Variants in ADCY5 observed in about 807,000 individuals in gnomAD.
ADCY5 encodes adenylate cyclase type 5.
ADCY5 carries 30 observed loss-of-function variants against 119.7 expected under a neutral mutation model. The observed-to-expected ratio is 0.25, with a 90% CI of 0.19 to 0.34. ADCY5 has a LOEUF of 0.34. ADCY5 is among the 10% of genes least tolerant of loss of function. ADCY5 has a pLI of 1.00. For synonymous variants in ADCY5, 753 were observed against 762.2 expected (o/e 0.99, Z 0.20); for missense variants, 1,324 against 1,775.2 (o/e 0.75, Z 4.57).
chr3:123,292,402 G>C (rs997240032), intron 17 of ADCY5, among the ~76,000 whole-genome samples: 32 of 152,122 alleles, frequency 2.1e-4, no homozygotes, highest in African/African-American at 7.7e-4. Flanking sequence ...TAGGCTCAAT[G>C]GCCAGCCCTG....
chr3:123,333,345 C>G (rs961108762), intron 3 of ADCY5, among the ~76,000 whole-genome samples: 2 of 152,246 alleles, frequency 1.3e-5, no homozygotes, highest in Non-Finnish European at 2.9e-5. Context: ...AGCCCCCGTT[C>G]TTTGGTATTC....
At chr3:123,384,655 C>T (rs2107568383) in intron 1 of ADCY5, among the ~76,000 whole-genome samples, 1 of 152,298 alleles carries the variant, frequency 6.6e-6, no homozygotes, top group African/African-American at 2.4e-5. Flanking sequence ...CAGATTATTC[C>T]TGTGTTGCCC....
Position 123,352,664 on chromosome 3 carries a change from G to A in ADCY5, c.1135-83C>T. The A allele has an allele frequency of 3.4e-6, 5 of 1,464,346 alleles. No homozygotes were observed. Among genetic ancestry groups the A allele is most frequent in the East Asian group, 2.4e-5 (1 of 42,122 alleles). The allele number at this position is 1,464,346 out of a possible 1,614,324, so 90.7% of individuals were successfully genotyped here. ...CATGAAGCCCTCAGCCCCTGTCTCA[G>A]CAAACTCACACCTGGCGCTAGCAAA... On this transcript the variant is annotated intron_variant, in intron 1 of 20. Transcript: ENST00000462833. This position sits in a 1 kb window ranked among gnomAD's most constrained non-coding sequence, Gnocchi z 4.8.
intron 11 of ADCY5, among the ~76,000 whole-genome samples, chr3:123,317,811 C>T (rs567520421): frequency 3.3e-5 from 5 of 152,106 alleles, no homozygotes; most frequent in African/African-American, 9.6e-5. Context: ...GAGAGTTGCC[C>T]ACCCTGGAAT....
At chr3:123,284,768 C>T (rs1202345872) in intron 20 of ADCY5, 32 bp from the exon 21 acceptor site, 1 of 1,613,646 alleles carries the variant, frequency 6.2e-7, no homozygotes, top group Non-Finnish European at 8.5e-7. Context: ...GAGGGCAAGC[C>T]ACTGATGGCC....
chr3:123,392,897 C>T (rs1337524457), intron 1 of ADCY5, among the ~76,000 whole-genome samples: 2 of 151,984 alleles, frequency 1.3e-5, no homozygotes, highest in African/African-American at 4.8e-5. Context: ...AGGAGGCCAC[C>T]ACTTTCTTAA....
At chr3:123,355,354 G>C (rs948295990) in intron 1 of ADCY5, among the ~76,000 whole-genome samples, 1 of 152,146 alleles carries the variant, frequency 6.6e-6, no homozygotes, top group African/African-American at 2.4e-5. Context: ...TTGGCTCTCT[G>C]TATCTACAGG....
rs981549535 is a variant in ADCY5, at chr3:123,448,645, G to A, written c.-100C>T. ...GGCCGAGCAGGGGGACCAGGCTAGG[G>A]TCACACGTCGGGGGCGGCCCGGGGC... is the stretch of plus-strand genomic sequence containing the variant. On this transcript the variant is annotated 5_prime_UTR_variant, in exon 1 of 21. Coordinates refer to ENST00000462833, the MANE Select transcript of ADCY5 (RefSeq NM_183357.3). 40 of 1,139,434 alleles carry A rather than the reference G, an allele frequency of 3.5e-5. No homozygotes were observed. In the African/African-American group the frequency reaches 5.9e-4, roughly 17 times the overall value. 70.6% of individuals were successfully genotyped at this position (1,139,434 alleles called of 1,614,324 possible).
chr3:123,314,395 G>A, intron 11 of ADCY5, 73 bp from the exon 12 acceptor site: 1 of 1,225,660 alleles, frequency 8.2e-7, no homozygotes. Context: ...GGACCTGCCT[G>A]GCAAGCAGGC....
intron 1 of ADCY5, among the ~76,000 whole-genome samples, chr3:123,417,897 C>T (rs1380927187): frequency 6.6e-6 from 1 of 152,176 alleles, no homozygotes; most frequent in Non-Finnish European, 1.5e-5. Flanking sequence ...GCCTGGGATG[C>T]CTGCAATGTG....
chr3:123,414,589 C>A (rs1459496620), intron 1 of ADCY5, among the ~76,000 whole-genome samples: 2 of 152,084 alleles, frequency 1.3e-5, no homozygotes, highest in African/African-American at 4.8e-5. Context: ...CAAAGTCTGG[C>A]TGTGTCGCCC....
intron 1 of ADCY5, chr3:123,419,262 C>G (rs186297365): frequency 1.0e-6 from 1 of 974,816 alleles, no homozygotes; most frequent in Non-Finnish European, 1.2e-6. Context: ...CGCGCCCCCA[C>G]AGGCCAGGGA....
chr3:123,427,622 G>A (rs1945440456), intron 1 of ADCY5, among the ~76,000 whole-genome samples: 1 of 152,166 alleles, frequency 6.6e-6, no homozygotes, highest in South Asian at 2.1e-4. Flanking sequence ...TGATGTATAA[G>A]AGGCCAGACC....
chr3:123,341,193 C>T (rs913706487), intron 3 of ADCY5, among the ~76,000 whole-genome samples: 3 of 152,056 alleles, frequency 2.0e-5, no homozygotes, highest in African/African-American at 7.3e-5. Context: ...AAGCACTATT[C>T]ACAATAGCCA....
chr3:123,310,030 G>A (rs2108297180), intron 12 of ADCY5, among the ~76,000 whole-genome samples: 1 of 151,536 alleles, frequency 6.6e-6, no homozygotes, highest in Non-Finnish European at 1.5e-5. Context: ...CATACAATCA[G>A]GTCCAGGGGA....
intron 1 of ADCY5, among the ~76,000 whole-genome samples, chr3:123,430,446 T>C (rs1216749282): frequency 6.6e-6 from 1 of 152,110 alleles, no homozygotes. Context: ...CAGCACTGTC[T>C]GCCAGTGAAA....
rs1283050580 is a variant in ADCY5, at chr3:123,283,566, CACA to C, written c.*1039_*1041del. 6.6e-6 allele frequency: 1 copy of C among 152,194 alleles called. No homozygotes were observed. The highest frequency in any genetic ancestry group is 1.9e-4 in the East Asian group (1 of 5,188). The allele number at this position is 152,194 out of a possible 1,614,324, so 9.4% of individuals were successfully genotyped here. A position where few individuals can be genotyped will look rare whatever the true frequency, so the allele number is the denominator to read the frequency against. ...CTGAGCATATGGTACCCCAAAAGCA[CACA>C]CCCACTGCTCTGGTGGTACCTTGGA... On this transcript the variant is annotated 3_prime_UTR_variant, in exon 21 of 21. Coordinates refer to ENST00000462833, the MANE Select transcript of ADCY5 (RefSeq NM_183357.3).
At chr3:123,293,708 A>G (rs559143141) in intron 17 of ADCY5, among the ~76,000 whole-genome samples, 4 of 152,278 alleles carry the variant, frequency 2.6e-5, no homozygotes, top group African/African-American at 9.6e-5. Flanking sequence ...AGCCCGAGGT[A>G]TTGGATTAAA....
intron 1 of ADCY5, among the ~76,000 whole-genome samples, chr3:123,421,649 CAAGTAAA>C (rs1381525586): frequency 1.3e-5 from 2 of 152,046 alleles, no homozygotes; most frequent in African/African-American, 4.8e-5. Flanking sequence ...TCTGAGTGGG[CAAGTAAA>C]GAGTAAAGGG....
Sources: gnomAD v4.1 joint callset for allele counts (sites outside exome capture counted in the v4.1 genomes callset) on GRCh38, gnomAD v4.1.1 for gene constraint, Gnocchi (gnomAD v3.1) non-coding constraint, MANE v1.5 for transcripts, NCBI Gene and HGNC (gene_info 2026-07-23, HGNC 2026-07-21) for gene names.